Variants in TMTC2 observed in about 807,000 individuals in gnomAD.
The protein encoded by TMTC2 is transmembrane O-mannosyltransferase targeting cadherins 2, also known as protein O-mannosyl-transferase TMTC2.
A neutral mutation model predicts 82.4 loss-of-function variants in TMTC2; 43 were observed. The observed-to-expected ratio is 0.52, with a 90% CI of 0.41 to 0.67. The LOEUF (loss-of-function observed/expected upper bound fraction) is 0.67, where lower values mean the gene tolerates loss of function less well. TMTC2 is among the 30% of genes least tolerant of loss of function. TMTC2 has a pLI of 0.00. For missense variants in TMTC2, 919 were observed against 1,012.4 expected (o/e 0.91, Z 1.25); for synonymous variants, 408 against 381.9 (o/e 1.07, Z -0.80).
At chr12:83,041,072 CT>C (rs544786758) in intron 9 of TMTC2, among the ~76,000 whole-genome samples, 1 of 150,942 alleles carries the variant, frequency 6.6e-6, no homozygotes, top group Non-Finnish European at 1.5e-5. Flanking sequence ...TCTGTGCCCC[CT>C]TTTTTTGTGT....
Position 82,698,620 on chromosome 12 carries a change from T to C in TMTC2, c.83+10951T>C, listed in dbSNP as rs56386717. ...TGAGGACAGTACCAAACCCTGTATATAGTATAGTATGTTTTCCTCCATACA... is the reference window on the plus strand; with the variant it reads ...TGAGGACAGTACCAAACCCTGTATACAGTATAGTATGTTTTCCTCCATACA... On this transcript the variant is annotated intron_variant, in intron 1 of 11. Coordinates refer to ENST00000321196, the MANE Select transcript of TMTC2 (RefSeq NM_152588.3). Among the ~76,000 whole-genome samples, 905 of 152,288 alleles carry C rather than the reference T, an allele frequency of 5.9e-3. 8 individuals carry two copies. The highest frequency in any genetic ancestry group is 0.021 in the African/African-American group (866 of 41,550).
chr12:82,837,083 A>T (rs1870086430), intron 1 of TMTC2, among the ~76,000 whole-genome samples: 1 of 152,206 alleles, frequency 6.6e-6, no homozygotes, highest in Non-Finnish European at 1.5e-5. Context: ...TTTCAGAATG[A>T]CATTTTGACA....
At chr12:82,760,488 T>TC (rs1171647382) in intron 1 of TMTC2, 6 of 148,332 alleles carry the variant, frequency 4.0e-5, no homozygotes, top group East Asian at 3.9e-4. Context: ...TTTTTTTTTT[T>TC]CTCGAAAGCT....
intron 11 of TMTC2, among the ~76,000 whole-genome samples, chr12:83,113,599 C>T (rs1406369570): frequency 6.6e-6 from 1 of 152,204 alleles, no homozygotes; most frequent in Non-Finnish European, 1.5e-5. Context: ...TTTCAACAGG[C>T]ATAACACCTT....
chr12:82,693,900 G>A (rs1309358343), intron 1 of TMTC2, among the ~76,000 whole-genome samples: 4 of 150,524 alleles, frequency 2.7e-5, no homozygotes, highest in Non-Finnish European at 5.9e-5. Context: ...ACTGGAAGGC[G>A]GAGGATGCAG....
intron 11 of TMTC2, among the ~76,000 whole-genome samples, chr12:83,092,193 A>C (rs761039259): frequency 3.3e-5 from 5 of 152,188 alleles, no homozygotes; most frequent in Non-Finnish European, 5.9e-5. Flanking sequence ...TTAGAGAGAT[A>C]ATCCTGCCTT....
intron 1 of TMTC2, among the ~76,000 whole-genome samples, chr12:82,766,796 T>C (rs1201523653): frequency 6.6e-6 from 1 of 152,106 alleles, no homozygotes; most frequent in Non-Finnish European, 1.5e-5. Flanking sequence ...TTTATTTATT[T>C]ATTTATTTAT....
chr12:82,716,604 C>T lies in TMTC2; in HGVS notation c.83+28935C>T, dbSNP rs534781839. 4.6e-5 allele frequency among the ~76,000 whole-genome samples: 7 copies of T among 152,162 alleles called. No individual in the cohort carries two copies. The South Asian group carries it at 1.5e-3, about 32-fold the overall frequency. On this transcript the variant is annotated intron_variant, in intron 1 of 11. Transcript: ENST00000321196. ...GTCTCGATCTCCTGACCTTGTGATC[C>T]GCCTGTCTCGGCCTCCCAAAGTGCT...
chr12:82,850,209 T>G (rs1025557954), intron 1 of TMTC2, among the ~76,000 whole-genome samples: 1 of 152,140 alleles, frequency 6.6e-6, no homozygotes, highest in Non-Finnish European at 1.5e-5. Flanking sequence ...ATTCCAAGCA[T>G]TTTAAGTTAA....
rs114570042 is a variant in TMTC2, at chr12:82,974,933, C to T, written c.1948+7936C>T. Among the ~76,000 whole-genome samples the T allele has an allele frequency of 7.4e-3, 1,125 of 151,982 alleles. 17 individuals carry two copies. The highest frequency in any genetic ancestry group is 0.026 in the African/African-American group (1,075 of 41,426). The stretch of plus-strand genomic sequence containing the variant: ...TTGGAAAGAGGATCTTCAAGGGAGA[C>T]GGGAGAGAGAGAGAGTGACCTTTCT... On this transcript the variant is annotated intron_variant, in intron 7 of 11. Transcript: ENST00000321196.
intron 1 of TMTC2, among the ~76,000 whole-genome samples, chr12:82,803,006 A>G (rs1176433875): frequency 6.6e-6 from 1 of 152,154 alleles, no homozygotes; most frequent in African/African-American, 2.4e-5. Context: ...CATATTGTAA[A>G]AGTGTTATCA....
intron 1 of TMTC2, among the ~76,000 whole-genome samples, chr12:82,749,380 A>G (rs909922101): frequency 2.0e-5 from 3 of 152,204 alleles, no homozygotes; most frequent in African/African-American, 7.2e-5. Flanking sequence ...GCCCTCGTAG[A>G]CTTACATTCT....
chr12:82,921,545 G>C (rs576706139), intron 3 of TMTC2, among the ~76,000 whole-genome samples: 1 of 152,106 alleles, frequency 6.6e-6, no homozygotes, highest in Non-Finnish European at 1.5e-5. Flanking sequence ...CTGTCACAGT[G>C]CTGCAATGCA....
At chr12:82,946,823 G>A (rs188972109) in intron 4 of TMTC2, among the ~76,000 whole-genome samples, 8,103 of 149,104 alleles carry the variant, frequency 0.054, 308 homozygotes, top group Non-Finnish European at 0.08. Context: ...CTCACTGCAA[G>A]CTCCACCTCC....
chr12:83,117,394 T>C (rs10862585), intron 11 of TMTC2, among the ~76,000 whole-genome samples: 47,117 of 152,068 alleles, frequency 0.31, 8,300 homozygotes, highest in African/African-American at 0.49. Flanking sequence ...TAACTGAATC[T>C]AACAACATAT....
chr12:83,132,611 A>C lies in TMTC2; in HGVS notation c.*222A>C. 1 of 524,800 alleles carries C rather than the reference A, an allele frequency of 1.9e-6. No individual in the cohort carries two copies. 32.5% of individuals were successfully genotyped at this position (524,800 alleles called of 1,614,324 possible). On this transcript the variant is annotated 3_prime_UTR_variant, in exon 12 of 12. Coordinates refer to ENST00000321196, the MANE Select transcript of TMTC2 (RefSeq NM_152588.3). ...AAACCTCCTGGAGGATGTCATTGTTACCCATAGACTGTAAACCAGAGCACT... is the reference window on the plus strand; with the variant it reads ...AAACCTCCTGGAGGATGTCATTGTTCCCCATAGACTGTAAACCAGAGCACT...
Position 82,996,567 on chromosome 12 carries a change from A to T in TMTC2, c.2070+10521A>T, listed in dbSNP as rs147026935. Among the ~76,000 whole-genome samples the T allele has an allele frequency of 2.8e-4, 42 of 152,350 alleles. No homozygotes were observed. The East Asian group carries it at 7.7e-3, about 28-fold the overall frequency. ...CTGTAATTCAGTCTGCATGGCAATAACAGTACCTGTGGTAGAAGACCTCAA... is the reference window on the plus strand; with the variant it reads ...CTGTAATTCAGTCTGCATGGCAATATCAGTACCTGTGGTAGAAGACCTCAA... On this transcript the variant is annotated intron_variant, in intron 8 of 11. Transcript: ENST00000321196.
chr12:82,792,339 T>G (rs1878507755), intron 1 of TMTC2, among the ~76,000 whole-genome samples: 1 of 152,066 alleles, frequency 6.6e-6, no homozygotes, highest in African/African-American at 2.4e-5. Flanking sequence ...TGACATTCAG[T>G]ACATTCATGA....
At chr12:83,129,943 C>T (rs565088567) in intron 11 of TMTC2, among the ~76,000 whole-genome samples, 24 of 152,190 alleles carry the variant, frequency 1.6e-4, no homozygotes, top group Non-Finnish European at 3.2e-4. Flanking sequence ...TTAATAATCC[C>T]TTTGAGTTGA....
Sources: allele counts gnomAD v4.1 joint callset (sites outside exome capture counted in the v4.1 genomes callset), GRCh38; gene constraint gnomAD v4.1.1; transcripts MANE v1.5; gene names NCBI Gene and HGNC (gene_info 2026-07-23, HGNC 2026-07-21).